Variants in ZMYM2 observed in about 807,000 individuals in gnomAD.
ZMYM2 encodes the protein zinc finger MYM-type containing 2, also known as zinc finger MYM-type protein 2.
In ZMYM2, 56 loss-of-function variants were observed where a neutral mutation model predicts 162.8. That is an observed-to-expected ratio of 0.34 (90% CI 0.28 to 0.43). ZMYM2 has a LOEUF of 0.43. ZMYM2 is among the 20% of genes least tolerant of loss of function. The probability of loss-of-function intolerance (pLI) is 1.00; values close to 1 mark genes in which losing one functional copy is unlikely to be tolerated. For missense variants in ZMYM2, 1,275 were observed against 1,621.8 expected, an observed-to-expected ratio of 0.79 and a Z score of 3.67; for synonymous variants, 510 against 541.6, an observed-to-expected ratio of 0.94 and a Z score of 0.81.
the ZMYM2 span, among the ~76,000 whole-genome samples, chr13:19,938,427 G>A: frequency 6.6e-6 from 1 of 152,178 alleles, no homozygotes; most frequent in Non-Finnish European, 1.5e-5. Context: ...GAACCTGGGA[G>A]GCCAACGTTG....
chr13:19,957,692 C>G (rs1954633052), upstream of ZMYM2, among the ~76,000 whole-genome samples: 6 of 152,362 alleles, frequency 3.9e-5, no homozygotes, highest in Admixed American at 3.9e-4. Flanking sequence ...GAGACGGTGG[C>G]AGGCGGTAGA....
chr13:20,036,602 G>A (rs1953727006), intron 11 of ZMYM2, 135 bp from the exon 12 acceptor site: 1 of 566,558 alleles, frequency 1.8e-6, no homozygotes, highest in Non-Finnish European at 2.7e-6. Context: ...ATTTTTATAG[G>A]TTGATATTGA....
chr13:19,923,794 C>T, the ZMYM2 span, among the ~76,000 whole-genome samples: 1 of 150,900 alleles, frequency 6.6e-6, no homozygotes, highest in Non-Finnish European at 1.5e-5. Context: ...CCTCAGCCTC[C>T]TGAGTAGCTG....
the ZMYM2 span, among the ~76,000 whole-genome samples, chr13:19,911,775 A>C: frequency 6.6e-6 from 1 of 152,270 alleles, no homozygotes; most frequent in Non-Finnish European, 1.5e-5. Context: ...GAAGGCCCAC[A>C]TTGGTTCCCT....
chr13:19,982,684 G>A (rs374181460), intron 2 of ZMYM2, among the ~76,000 whole-genome samples: 5 of 152,248 alleles, frequency 3.3e-5, no homozygotes, highest in African/African-American at 4.8e-5. Flanking sequence ...TTGAACTGTT[G>A]CCTCATTCCT....
Position 19,958,860 on chromosome 13 carries a change from G to C in ZMYM2, c.-80+19G>C, listed in dbSNP as rs1954788495. On this transcript the variant is annotated intron_variant, in intron 1 of 24. Transcript: ENST00000610343. ...GAACCGGGTGAGGCTTATCCCCGCT[G>C]TCTTTCCAGTCCAGGGCCGCCGAGA... is the stretch of plus-strand genomic sequence containing the variant. 2 of 152,526 alleles carry C rather than the reference G, an allele frequency of 1.3e-5. No individual in the cohort carries two copies. The allele number at this position is 152,526 out of a possible 1,614,324, so 9.4% of individuals were successfully genotyped here. A position where few individuals can be genotyped will look rare whatever the true frequency, so the allele number is the denominator to read the frequency against.
intron 21 of ZMYM2, among the ~76,000 whole-genome samples, chr13:20,069,305 C>T (rs1008197444): frequency 6.6e-6 from 1 of 152,106 alleles, no homozygotes; most frequent in Non-Finnish European, 1.5e-5. Context: ...CACCCAAACC[C>T]TAGTCCTAGT....
At chr13:19,999,300 G>A (rs368516673) in intron 3 of ZMYM2, among the ~76,000 whole-genome samples, 64 of 152,214 alleles carry the variant, frequency 4.2e-4, no homozygotes, top group African/African-American at 1.4e-3. Flanking sequence ...GTCTTTTGGC[G>A]CCACACTTCC....
At chr13:19,919,599 T>A in the ZMYM2 span, among the ~76,000 whole-genome samples, 2 of 152,332 alleles carry the variant, frequency 1.3e-5, no homozygotes, top group African/African-American at 4.8e-5. Context: ...TGGCTAGTGA[T>A]GTTGAACACT....
chr13:19,996,146 A>G (rs907077402), intron 3 of ZMYM2, among the ~76,000 whole-genome samples: 14 of 152,160 alleles, frequency 9.2e-5, no homozygotes, highest in African/African-American at 3.4e-4. Context: ...TTTTAGGCTC[A>G]TTATCCTAGG....
At chr13:20,019,522 A>T (rs758359434) in intron 6 of ZMYM2, 25 bp from the exon 7 acceptor site, 3 of 1,549,608 alleles carry the variant, frequency 1.9e-6, no homozygotes, top group Non-Finnish European at 2.6e-6. Flanking sequence ...GTGTGTTTAT[A>T]AAGTCTTTTA....
At chr13:20,075,522 T>C (rs1957420251) in intron 21 of ZMYM2, among the ~76,000 whole-genome samples, 1 of 152,156 alleles carries the variant, frequency 6.6e-6, no homozygotes, top group African/African-American at 2.4e-5. Context: ...GTTCACATAA[T>C]ATGAAAATGT....
the ZMYM2 span, among the ~76,000 whole-genome samples, chr13:19,943,982 G>A: frequency 6.6e-6 from 1 of 152,174 alleles, no homozygotes; most frequent in Non-Finnish European, 1.5e-5. Context: ...AGATGGGGCT[G>A]CATTGGTGGG....
chr13:19,971,545 C>T (rs1956339259), intron 2 of ZMYM2, among the ~76,000 whole-genome samples: 2 of 151,912 alleles, frequency 1.3e-5, no homozygotes, highest in South Asian at 4.2e-4. Flanking sequence ...GTTGGGATTA[C>T]AGGCATGAGT....
the ZMYM2 span, among the ~76,000 whole-genome samples, chr13:19,865,998 A>G: frequency 0.01 from 508 of 50,278 alleles, 1 homozygote; most frequent in South Asian, 0.1. Context: ...TAAGTTACTT[A>G]AACTCAGCCT....
At chr13:19,931,237 C>A in the ZMYM2 span, among the ~76,000 whole-genome samples, 1 of 151,674 alleles carries the variant, frequency 6.6e-6, no homozygotes, top group Middle Eastern at 3.4e-3. Context: ...TTGATTTGGG[C>A]TCTTATTTTT....
At chr13:19,906,533 TA>T in the ZMYM2 span, among the ~76,000 whole-genome samples, 2 of 4,802 alleles carry the variant, frequency 4.2e-4, no homozygotes, top group African/African-American at 4.6e-4. Context: ...CATATATATA[TA>T]TATATTTTTT....
intron 8 of ZMYM2, 78 bp downstream of exon 8, chr13:20,026,840 T>A: frequency 7.1e-7 from 1 of 1,407,006 alleles, no homozygotes; most frequent in Non-Finnish European, 9.5e-7. Context: ...TTTGATGTTT[T>A]TATGCTTGTT....
the ZMYM2 span, among the ~76,000 whole-genome samples, chr13:19,938,990 C>G: frequency 6.6e-6 from 1 of 151,330 alleles, no homozygotes; most frequent in East Asian, 1.9e-4. Context: ...CTCAAAAAAG[C>G]CAATTAGATG....
Sources: gnomAD v4.1 joint callset for allele counts (sites outside exome capture counted in the v4.1 genomes callset) on GRCh38, gnomAD v4.1.1 for gene constraint, MANE v1.5 for transcripts, NCBI Gene and HGNC (gene_info 2026-07-23, HGNC 2026-07-21) for gene names.